Variants in TRADD observed in about 807,000 individuals in gnomAD.
TRADD encodes TNFRSF1A associated via death domain, also known as tumor necrosis factor receptor type 1-associated DEATH domain protein.
Under a neutral mutation model 31.5 loss-of-function variants are expected in TRADD, and 14 were observed. That is an observed-to-expected ratio of 0.44 (90% CI 0.29 to 0.69). TRADD has a LOEUF of 0.69. TRADD is among the 30% of genes least tolerant of loss of function. The pLI is 0.11. For missense variants in TRADD, 388 were observed against 435.7 expected (o/e 0.89, Z 0.97); for synonymous variants, 220 against 215.8 (o/e 1.02, Z -0.17).
In TRADD at chr16:67,159,613, C is replaced by A. The variant is rs2030829555; in HGVS notation, c.-9+225G>T. Among the ~76,000 whole-genome samples, 1 of 152,192 alleles carries A rather than the reference C, an allele frequency of 6.6e-6. No individual in the cohort carries two copies. The highest frequency in any genetic ancestry group is 1.5e-5 in the Non-Finnish European group (1 of 68,030). ...CTCCCCCACCCTCTCTCCTGCAGGG[C>A]CCTACTGCACCTCGAAAGTGCTGGC... On this transcript the variant is annotated intron_variant, in intron 1 of 4. Coordinates refer to ENST00000345057, the MANE Select transcript of TRADD (RefSeq NM_003789.4). This position sits in a 1 kb window ranked among gnomAD's most constrained non-coding sequence, Gnocchi z 6.8.
At chr16:67,157,153 C>T (rs563378008) in intron 1 of TRADD, among the ~76,000 whole-genome samples, 1 of 152,286 alleles carries the variant, frequency 6.6e-6, no homozygotes, top group East Asian at 1.9e-4. Flanking sequence ...AAGACTAAAC[C>T]TCCTGTCTTC....
In TRADD at chr16:67,156,346, C is replaced by T. The variant is rs2030696800; in HGVS notation, c.151+164G>A. 8.0e-7 allele frequency: 1 copy of T among 1,242,504 alleles called. No individual in the cohort carries two copies. The highest frequency in any genetic ancestry group is 1.1e-6 in the Non-Finnish European group (1 of 888,968). 77.0% of individuals were successfully genotyped at this position (1,242,504 alleles called of 1,614,324 possible). ...ACAGACTCGAGAACACACGCCTATC[C>T]TCAAGGTCATGCCACAAGCAAAGAA... is the stretch of plus-strand genomic sequence containing the variant. On this transcript the variant is annotated intron_variant, in intron 2 of 4. Transcript: ENST00000345057. This position sits in a 1 kb window ranked among gnomAD's most constrained non-coding sequence, Gnocchi z 4.6.
intron 1 of TRADD, among the ~76,000 whole-genome samples, chr16:67,157,469 G>A (rs1299009537): frequency 6.6e-6 from 1 of 152,166 alleles, no homozygotes; most frequent in African/African-American, 2.4e-5. Context: ...GAAGGAAAAG[G>A]TAGCTCTCCT....
At chr16:67,158,293 G>A (rs1035556382) in intron 1 of TRADD, among the ~76,000 whole-genome samples, 7 of 152,206 alleles carry the variant, frequency 4.6e-5, no homozygotes, top group South Asian at 2.1e-4. Context: ...AACCTTTCAA[G>A]TAGCTGGGAC....
Position 67,154,715 on chromosome 16 carries a change from C to A in TRADD, c.873G>T (p.Glu291Asp), listed in dbSNP as rs2030590195. The A allele has an allele frequency of 1.2e-6, 2 of 1,612,678 alleles. No individual in the cohort carries two copies. Among genetic ancestry groups the A allele is most frequent in the Non-Finnish European group, 8.5e-7 (1 of 1,179,830 alleles). The change falls in exon 5 of 5, where the codon GAG (glutamate) becomes GAT (aspartate). Residue 291 changes from glutamate to aspartate, a missense_variant. Transcript: ENST00000345057. The surrounding 1 kb of genome is among the most constrained non-coding windows in gnomAD (Gnocchi z 5.2). ...CCTCTGCCAGGCTGGTGAGCTCGTT[C>A]TCCTCGAGTGCCTCCACCAGGCGCT... ...TLQRLVEALEENELTSLAEDL... is the reference protein window; with the variant it reads ...TLQRLVEALEDNELTSLAEDL...
chr16:67,156,370 AAG>A lies in TRADD; in HGVS notation c.151+138_151+139del, dbSNP rs1332323025. 7 of 1,350,620 alleles carry A rather than the reference AAG, an allele frequency of 5.2e-6. No individual in the cohort carries two copies. The highest frequency in any genetic ancestry group is 7.2e-6 in the Non-Finnish European group (7 of 977,150). The allele number at this position is 1,350,620 out of a possible 1,614,324, so 83.7% of individuals were successfully genotyped here. A position where few individuals can be genotyped will look rare whatever the true frequency, so the allele number is the denominator to read the frequency against. On this transcript the variant is annotated intron_variant, in intron 2 of 4. Coordinates refer to ENST00000345057, the MANE Select transcript of TRADD (RefSeq NM_003789.4). The surrounding 1 kb of genome is among the most constrained non-coding windows in gnomAD (Gnocchi z 4.6). ...CCTCAAGGTCATGCCACAAGCAAAGAAGAGAGTCTGCACAGCCAGGGGTCCTC... is the reference window on the plus strand; with the variant it reads ...CCTCAAGGTCATGCCACAAGCAAAGAAGAGTCTGCACAGCCAGGGGTCCTC...
rs1245508176 is a variant in TRADD at position 67,156,459 on chromosome 16, A to C, written c.151+51T>G. The C allele has an allele frequency of 3.1e-6, 5 of 1,603,120 alleles. No homozygotes were observed. In the South Asian group the frequency reaches 5.5e-5, roughly 18 times the overall value. ...GGTGGCTAAACCCAGGCCCACCCAC[A>C]AAATGCTCCAGGCCACCCCTTCCTC... On this transcript the variant is annotated intron_variant, in intron 2 of 4. Coordinates refer to ENST00000345057, the MANE Select transcript of TRADD (RefSeq NM_003789.4). This position sits in a 1 kb window ranked among gnomAD's most constrained non-coding sequence, Gnocchi z 4.6.
rs761029622 is a variant in TRADD, at chr16:67,156,492, G to T, written c.151+18C>A. On this transcript the variant is annotated intron_variant, in intron 2 of 4. Transcript: ENST00000345057. This position sits in a 1 kb window ranked among gnomAD's most constrained non-coding sequence, Gnocchi z 4.6. The stretch of plus-strand genomic sequence containing the variant: ...CCAGGCCACCCCTTCCTCTCCACAT[G>T]CCCGCCCATCCACGCACCTGCCAAG... 6.2e-7 allele frequency: 1 copy of T among 1,609,196 alleles called. No individual in the cohort carries two copies.
intron 1 of TRADD, among the ~76,000 whole-genome samples, chr16:67,157,359 G>A (rs2030734862): frequency 6.6e-6 from 1 of 152,172 alleles, no homozygotes; most frequent in South Asian, 2.1e-4. Flanking sequence ...GTTCAGGGCG[G>A]GGTATAGGAC....
Position 67,156,370 on chromosome 16 carries a change from A to C in TRADD, c.151+140T>G. On this transcript the variant is annotated intron_variant, in intron 2 of 4. Coordinates refer to ENST00000345057, the MANE Select transcript of TRADD (RefSeq NM_003789.4). The surrounding 1 kb of genome is among the most constrained non-coding windows in gnomAD (Gnocchi z 4.6). ...CCTCAAGGTCATGCCACAAGCAAAG[A>C]AGAGAGTCTGCACAGCCAGGGGTCC... 7.4e-7 allele frequency: 1 copy of C among 1,350,738 alleles called. No homozygotes were observed. The highest frequency in any genetic ancestry group is 1.0e-6 in the Non-Finnish European group (1 of 977,142). The allele number at this position is 1,350,738 out of a possible 1,614,324, so 83.7% of individuals were successfully genotyped here.
In TRADD at chr16:67,154,860, G is replaced by A; in HGVS notation, c.728C>T (p.Ala243Val). Residue 243 changes from alanine to valine, a missense_variant, in exon 5 of 5, where the codon GCG becomes GTG. Ala to Val is a moderately conservative substitution (Grantham distance 64, BLOSUM62 0). Transcript: ENST00000345057. The surrounding 1 kb of genome is among the most constrained non-coding windows in gnomAD (Gnocchi z 5.2). ...CGAGTCCAGCGCCGGGTCCCGCAGC[G>A]CCCGGCAGCCTCGCTGCAGTGAGCG... ...VGRSLQRGCRALRDPALDSLA... is the reference protein window; with the variant it reads ...VGRSLQRGCRVLRDPALDSLA... 6 of 1,596,764 alleles carry A rather than the reference G, an allele frequency of 3.8e-6. No homozygotes were observed. Among genetic ancestry groups the A allele is most frequent in the South Asian group, 1.1e-5 (1 of 88,824 alleles).
rs2030749139 is a variant in TRADD at position 67,157,743 on chromosome 16, A to ATAG, written c.-8-1078_-8-1076dup. 2.6e-5 allele frequency among the ~76,000 whole-genome samples: 4 copies of ATAG among 152,118 alleles called. No individual in the cohort carries two copies. The South Asian group carries it at 6.2e-4, about 24-fold the overall frequency. ...AAAGCCAGGGCCCCTTGGTGCTAGT[A>ATAG]TAGTATCTCCTTCCTCCATCTTCTG... On this transcript the variant is annotated intron_variant, in intron 1 of 4. Transcript: ENST00000345057.
chr16:67,154,695 G>C lies in TRADD; in HGVS notation c.893C>G (p.Ala298Gly). ...ALEENELTSL[A>G]EDLLGLTDPN... ...ATCGGTCAGGCCCAGCAAGTCCTCT[G>C]CCAGGCTGGTGAGCTCGTTCTCCTC... The change falls in exon 5 of 5, where the codon GCA becomes GGA. Residue 298 changes from alanine to glycine, a missense_variant. Ala to Gly is a moderately conservative substitution (Grantham distance 60). Transcript: ENST00000345057. The surrounding 1 kb of genome is among the most constrained non-coding windows in gnomAD (Gnocchi z 5.2). 1 of 1,612,902 alleles carries C rather than the reference G, an allele frequency of 6.2e-7. No homozygotes were observed. Among genetic ancestry groups the C allele is most frequent in the South Asian group, 1.1e-5 (1 of 91,028 alleles).
At chr16:67,158,070 A>G (rs1485640429) in intron 1 of TRADD, among the ~76,000 whole-genome samples, 2 of 152,136 alleles carry the variant, frequency 1.3e-5, no homozygotes, top group Admixed American at 1.3e-4. Context: ...CCCAGCTGCC[A>G]TCTGTTTACA....
rs1441429837 is a variant in TRADD, at chr16:67,156,439, C to T, written c.151+71G>A. ...CCCCAAATCTTCTTCTTAAAGGTGG[C>T]TAAACCCAGGCCCACCCACAAAATG... On this transcript the variant is annotated intron_variant, in intron 2 of 4. Coordinates refer to ENST00000345057, the MANE Select transcript of TRADD (RefSeq NM_003789.4). This position sits in a 1 kb window ranked among gnomAD's most constrained non-coding sequence, Gnocchi z 4.6. 4 of 1,598,524 alleles carry T rather than the reference C, an allele frequency of 2.5e-6. No individual in the cohort carries two copies. In the African/African-American group the frequency reaches 5.3e-5, roughly 21 times the overall value.
rs1470201349 is a variant in TRADD, at chr16:67,159,595, A to G, written c.-9+243T>C. Among the ~76,000 whole-genome samples the G allele has an allele frequency of 6.6e-6, 1 of 151,006 alleles. No individual in the cohort carries two copies. Among genetic ancestry groups the G allele is most frequent in the East Asian group, 2.0e-4 (1 of 5,084 alleles). On this transcript the variant is annotated intron_variant, in intron 1 of 4. Transcript: ENST00000345057. This position sits in a 1 kb window ranked among gnomAD's most constrained non-coding sequence, Gnocchi z 6.8. ...ATTCAGAACCAGCCCCTTCTCCCCC[A>G]CCCTCTCTCCTGCAGGGCCCTACTG...
rs1014233547 is a variant in TRADD at position 67,156,721 on chromosome 16, G to A, written c.-8-53C>T. 3.7e-6 allele frequency: 6 copies of A among 1,607,486 alleles called. No individual in the cohort carries two copies. The highest frequency in any genetic ancestry group is 1.7e-5 in the Admixed American group (1 of 59,964). ...GTTCATCCCCCCTCCCTCCACCCTG[G>A]AGACAACTACCCAGCCCCACGTGGT... On this transcript the variant is annotated intron_variant, in intron 1 of 4. Coordinates refer to ENST00000345057, the MANE Select transcript of TRADD (RefSeq NM_003789.4). The surrounding 1 kb of genome is among the most constrained non-coding windows in gnomAD (Gnocchi z 4.6).
rs569596640 is a variant in TRADD, at chr16:67,155,473, C to T, written c.333G>A (p.Ser111=). 1.3e-6 allele frequency: 2 copies of T among 1,586,060 alleles called. No homozygotes were observed. Among genetic ancestry groups the T allele is most frequent in the Admixed American group, 1.7e-5 (1 of 58,502 alleles). The change falls in exon 3 of 5, where the codon TCG becomes TCA. Residue 111 remains serine (S), a synonymous_variant. Coordinates refer to ENST00000345057, the MANE Select transcript of TRADD (RefSeq NM_003789.4). ...CGCGCAGCTCCAGTTGCAGCGGCAC[C>T]GAGTGCTGGGCGAGCGCGGCCGCCA... is the stretch of plus-strand genomic sequence containing the variant. The part of the protein sequence containing the change: ...RSLAAALAQH[S]VPLQLELRAG...
chr16:67,157,354 G>A (rs1330697211), intron 1 of TRADD, among the ~76,000 whole-genome samples: 1 of 152,194 alleles, frequency 6.6e-6, no homozygotes, highest in Non-Finnish European at 1.5e-5. Context: ...GATTAGTTCA[G>A]GGCGGGGTAT....
Sources: gnomAD v4.1 joint callset for allele counts (sites outside exome capture counted in the v4.1 genomes callset) on GRCh38, gnomAD v4.1.1 for gene constraint, Gnocchi (gnomAD v3.1) non-coding constraint, MANE v1.5 for transcripts, NCBI Gene and HGNC (gene_info 2026-07-23, HGNC 2026-07-21) for gene names.